The following WFDC11 variants were observed in gnomAD, a reference collection of about 807,000 sequenced individuals.
The protein encoded by WFDC11 is protein WFDC11.
In WFDC11, 9 loss-of-function variants were observed where a neutral mutation model predicts 9.9. That is an observed-to-expected ratio of 0.91 (90% CI 0.55 to 1.58). The LOEUF (loss-of-function observed/expected upper bound fraction) is 1.58. Among genes scored for constraint, WFDC11 ranks in the 40% most tolerant of loss-of-function variants. The pLI is 0.00. For synonymous variants in WFDC11, 32 were observed against 33.3 expected (o/e 0.96, Z 0.13); for missense variants, 106 against 101.7 (o/e 1.04, Z -0.18).
chr20:45,666,051 G>A (rs1360468070), intron 2 of WFDC11, among the ~76,000 whole-genome samples: 1 of 152,192 alleles, frequency 6.6e-6, no homozygotes, highest in Non-Finnish European at 1.5e-5. Context: ...AGAGGCCTAG[G>A]CCTTGCTGAG....
At chr20:45,658,466 C>A (rs1982981494) in intron 2 of WFDC11, among the ~76,000 whole-genome samples, 1 of 152,046 alleles carries the variant, frequency 6.6e-6, no homozygotes, top group South Asian at 2.1e-4. Context: ...TCCATCTCTT[C>A]TAGGTTTTCT....
At chr20:45,668,952 T>G (rs976297438) in intron 1 of WFDC11, among the ~76,000 whole-genome samples, 1 of 152,204 alleles carries the variant, frequency 6.6e-6, no homozygotes, top group Admixed American at 6.5e-5. Context: ...ATTCAATCTG[T>G]GCATAAATAT....
At chr20:45,660,833 C>T (rs1279811430) in intron 2 of WFDC11, among the ~76,000 whole-genome samples, 11 of 152,188 alleles carry the variant, frequency 7.2e-5, no homozygotes, top group South Asian at 4.2e-4. Context: ...ACATTTGGCT[C>T]GGTTCCAAGT....
rs1412077639 is a variant in WFDC11 at position 45,650,733 on chromosome 20, T to C, written c.-51-82A>G. The C allele has an allele frequency of 1.2e-5, 9 of 740,024 alleles. No homozygotes were observed. The East Asian group carries it at 2.4e-4, about 20-fold the overall frequency. The allele number at this position is 740,024 out of a possible 1,614,324, so 45.8% of individuals were successfully genotyped here. ...TGTCGAATTTCTTCATTCTTTATCT[T>C]CTCACTATTCCCCCTAGGCCTCTGC... On this transcript the variant is annotated intron_variant, in intron 2 of 4. Transcript: ENST00000324384.
chr20:45,650,266 A>G (rs1982776235), intron 3 of WFDC11, among the ~76,000 whole-genome samples: 1 of 151,992 alleles, frequency 6.6e-6, no homozygotes, highest in Non-Finnish European at 1.5e-5. Context: ...AGAGAGAGAG[A>G]CAGAGAGAGA....
chr20:45,667,449 G>C (rs1199894607), intron 1 of WFDC11, among the ~76,000 whole-genome samples: 2 of 151,404 alleles, frequency 1.3e-5, no homozygotes, highest in Non-Finnish European at 3.0e-5. Context: ...TGATTGTGGA[G>C]TGGAAGGAGG....
chr20:45,649,313 C>T lies in WFDC11; in HGVS notation c.187G>A (p.Asp63Asn), dbSNP rs1982750785. Reference sequence around the variant, plus strand: ...GTCCAGCAGCATGTGTAATTTTTGTCTTTACATCTAAAGGCTTTAGAACAC... The same window carrying T: ...GTCCAGCAGCATGTGTAATTTTTGTTTTTACATCTAAAGGCTTTAGAACAC... ...NKCSKAFRCK[D>N]KNYTCCWTYC... Residue 63 changes from aspartate to asparagine, a missense_variant, in exon 4 of 5, where the codon GAC becomes AAC. By Grantham distance (23) the Asp-to-Asn change is conservative. Coordinates refer to ENST00000324384, the MANE Select transcript of WFDC11 (RefSeq NM_147197.2). The T allele has an allele frequency of 1.2e-6, 2 of 1,613,972 alleles. No homozygotes were observed. Among genetic ancestry groups the T allele is most frequent in the African/African-American group, 1.3e-5 (1 of 74,906 alleles).
At chr20:45,665,392 A>G (rs1307921698) in intron 2 of WFDC11, among the ~76,000 whole-genome samples, 3 of 151,964 alleles carry the variant, frequency 2.0e-5, no homozygotes, top group Admixed American at 6.6e-5. Context: ...GTTTGTTATT[A>G]TAGACCTTCT....
intron 2 of WFDC11, among the ~76,000 whole-genome samples, chr20:45,655,669 T>C (rs144452974): frequency 0.014 from 2,133 of 152,274 alleles, 89 homozygotes; most frequent in Admixed American, 0.099. Flanking sequence ...GACATGATTG[T>C]ATATCTAGAA....
chr20:45,659,909 C>T (rs1457437610), intron 2 of WFDC11, among the ~76,000 whole-genome samples: 1 of 152,110 alleles, frequency 6.6e-6, no homozygotes, highest in African/African-American at 2.4e-5. Context: ...AGAAAAGGAT[C>T]CAGTTTCAAC....
At chr20:45,654,136 C>T (rs1263138621) in intron 2 of WFDC11, among the ~76,000 whole-genome samples, 3 of 152,232 alleles carry the variant, frequency 2.0e-5, no homozygotes, top group Non-Finnish European at 4.4e-5. Context: ...ACATTCTTCT[C>T]AGCACCACAC....
chr20:45,660,493 C>A (rs1218012714), intron 2 of WFDC11, among the ~76,000 whole-genome samples: 1 of 152,006 alleles, frequency 6.6e-6, no homozygotes, highest in Non-Finnish European at 1.5e-5. Context: ...TATACATGTG[C>A]CATGCTGGTG....
intron 2 of WFDC11, among the ~76,000 whole-genome samples, chr20:45,651,878 G>A (rs1361679352): frequency 6.6e-6 from 1 of 152,180 alleles, no homozygotes; most frequent in Non-Finnish European, 1.5e-5. Flanking sequence ...AGGCGGCAGC[G>A]AGGCTGGGGG....
chr20:45,664,650 G>C (rs987304154), intron 2 of WFDC11, among the ~76,000 whole-genome samples: 1 of 152,132 alleles, frequency 6.6e-6, no homozygotes, highest in Non-Finnish European at 1.5e-5. Context: ...TGTCTGTAAA[G>C]GATTTTATTT....
At chr20:45,657,496 C>A (rs1230921089) in intron 2 of WFDC11, among the ~76,000 whole-genome samples, 1 of 151,916 alleles carries the variant, frequency 6.6e-6, no homozygotes, top group Non-Finnish European at 1.5e-5. Flanking sequence ...TGACGAGTTA[C>A]TGGGTGCAGC....
At chr20:45,666,657 C>T (rs532451656) in intron 2 of WFDC11, among the ~76,000 whole-genome samples, 2 of 152,232 alleles carry the variant, frequency 1.3e-5, no homozygotes, top group Non-Finnish European at 2.9e-5. Flanking sequence ...ATCAAACATA[C>T]TTTTATCTAT....
chr20:45,663,406 T>G (rs1983116965), intron 2 of WFDC11, among the ~76,000 whole-genome samples: 3 of 152,192 alleles, frequency 2.0e-5, no homozygotes, highest in Non-Finnish European at 4.4e-5. Flanking sequence ...CTTGAAGTGT[T>G]TTTTTGTGTC....
intron 3 of WFDC11, among the ~76,000 whole-genome samples, chr20:45,649,648 T>G (rs1417237633): frequency 1.3e-5 from 2 of 152,234 alleles, no homozygotes. Context: ...TTACCAGTGT[T>G]GCAGGCCTCT....
intron 2 of WFDC11, among the ~76,000 whole-genome samples, chr20:45,663,758 G>T (rs533280313): frequency 6.6e-6 from 1 of 152,198 alleles, no homozygotes; most frequent in East Asian, 1.9e-4. Flanking sequence ...TCTTAATCTT[G>T]AATTCTAATT....
Sources: allele counts gnomAD v4.1 joint callset (sites outside exome capture counted in the v4.1 genomes callset), GRCh38; gene constraint gnomAD v4.1.1; transcripts MANE v1.5; gene names NCBI Gene and HGNC (gene_info 2026-07-23, HGNC 2026-07-21).